The following RPH3A variants were observed in gnomAD, a reference collection of about 807,000 sequenced individuals.
RPH3A encodes rabphilin 3A, also known as rabphilin-3A.
RPH3A carries 48 observed loss-of-function variants against 102.2 expected under a neutral mutation model. The ratio of observed to expected loss-of-function variants is 0.47; its 90% CI spans 0.37 to 0.60. The LOEUF (loss-of-function observed/expected upper bound fraction) is 0.60, where lower values mean the gene tolerates loss of function less well. Among genes scored for constraint, RPH3A ranks in the 20% least tolerant of loss-of-function variants. RPH3A has a pLI of 0.00. For synonymous variants in RPH3A, 310 were observed against 324.3 expected (o/e 0.96, Z 0.47); for missense variants, 781 against 910.1 (o/e 0.86, Z 1.83).
rs1160153571 is a variant in RPH3A, at chr12:112,780,182, C to A, written c.-139-11961C>A. On this transcript the variant is annotated intron_variant, in intron 1 of 21. Transcript: ENST00000543106. The stretch of plus-strand genomic sequence containing the variant: ...TCTCATAATGCCTCTCTTTTGGGGG[C>A]TCATGTTGGCCTCATCTTTAAAAAA... 4.6e-5 allele frequency among the ~76,000 whole-genome samples: 7 copies of A among 152,064 alleles called. 1 individual carries two copies. The South Asian group carries it at 1.2e-3, about 27-fold the overall frequency.
At chr12:112,690,139 C>T (rs2136021534) in intron 1 of RPH3A, among the ~76,000 whole-genome samples, 1 of 152,202 alleles carries the variant, frequency 6.6e-6, no homozygotes, top group Non-Finnish European at 1.5e-5. Flanking sequence ...GTAACAAATA[C>T]CATTTGTAGA....
chr12:112,659,219 A>G (rs1159661998), intron 1 of RPH3A, among the ~76,000 whole-genome samples: 1 of 152,226 alleles, frequency 6.6e-6, no homozygotes, highest in Non-Finnish European at 1.5e-5. Context: ...ATGAACGTGA[A>G]TGCATCACGA....
At chr12:112,774,940 C>T (rs2040955558) in intron 1 of RPH3A, among the ~76,000 whole-genome samples, 1 of 151,654 alleles carries the variant, frequency 6.6e-6, no homozygotes, top group African/African-American at 2.4e-5. Context: ...CCTGCCCAGC[C>T]TACACATGTA....
At chr12:112,784,582 A>G (rs1367549494) in intron 1 of RPH3A, among the ~76,000 whole-genome samples, 1 of 152,234 alleles carries the variant, frequency 6.6e-6, no homozygotes, top group African/African-American at 2.4e-5. Flanking sequence ...AGTTCTAAGA[A>G]TAATTTATTT....
At chr12:112,740,349 G>C (rs544783223) in intron 1 of RPH3A, among the ~76,000 whole-genome samples, 2 of 152,318 alleles carry the variant, frequency 1.3e-5, no homozygotes, top group African/African-American at 4.8e-5. Flanking sequence ...GTTAGCCAGA[G>C]AGCTTTATTT....
Position 112,875,758 on chromosome 12 carries a change from T to G in RPH3A, c.946+17T>G. On this transcript the variant is annotated intron_variant, in intron 12 of 21. Transcript: ENST00000389385. ...AGAAGCCAGGCAAGTATCTGCTTCC[T>G]CCCATGCCTGCCCAAGTGGCCACCT... is the stretch of plus-strand genomic sequence containing the variant. 1 of 1,612,848 alleles carries G rather than the reference T, an allele frequency of 6.2e-7. No homozygotes were observed. The highest frequency in any genetic ancestry group is 8.5e-7 in the Non-Finnish European group (1 of 1,179,392).
intron 1 of RPH3A, among the ~76,000 whole-genome samples, chr12:112,684,249 G>GT (rs766502394): frequency 1.3e-5 from 2 of 151,858 alleles, no homozygotes; most frequent in Non-Finnish European, 2.9e-5. Flanking sequence ...TATTTTTATT[G>GT]TTTTTTTGTT....
At chr12:112,809,529 C>T (rs556897459) in intron 2 of RPH3A, among the ~76,000 whole-genome samples, 25 of 152,242 alleles carry the variant, frequency 1.6e-4, no homozygotes, top group African/African-American at 5.5e-4. Flanking sequence ...GAGGACTTCA[C>T]GCTAGCATAT....
chr12:112,708,039 C>T (rs1039813461), intron 1 of RPH3A, among the ~76,000 whole-genome samples: 1 of 152,222 alleles, frequency 6.6e-6, no homozygotes, highest in African/African-American at 2.4e-5. Context: ...GAAGAAACCG[C>T]ATTCTCATGC....
At chr12:112,800,683 T>C (rs1700215136) in intron 2 of RPH3A, among the ~76,000 whole-genome samples, 1 of 152,082 alleles carries the variant, frequency 6.6e-6, no homozygotes, top group African/African-American at 2.4e-5. Context: ...GGGTGAATTC[T>C]GCGGGAGTGC....
chr12:112,612,909 G>A (rs1274929001), intron 1 of RPH3A, among the ~76,000 whole-genome samples: 2 of 151,952 alleles, frequency 1.3e-5, no homozygotes, highest in African/African-American at 2.4e-5. Flanking sequence ...GGATATCCAA[G>A]GTGAAGTCCA....
intron 12 of RPH3A, among the ~76,000 whole-genome samples, chr12:112,876,063 A>C (rs1418161615): frequency 1.3e-5 from 2 of 152,192 alleles, no homozygotes; most frequent in Non-Finnish European, 2.9e-5. Context: ...GAATAATACT[A>C]GGACCTACCT....
At chr12:112,578,462 A>T (rs1220780258) in intron 1 of RPH3A, among the ~76,000 whole-genome samples, 1 of 152,158 alleles carries the variant, frequency 6.6e-6, no homozygotes, top group Non-Finnish European at 1.5e-5. Context: ...CCAACCCAAA[A>T]CAAAACAACA....
At chr12:112,860,960 C>T (rs1019875681) in intron 5 of RPH3A, among the ~76,000 whole-genome samples, 2 of 152,204 alleles carry the variant, frequency 1.3e-5, no homozygotes, top group African/African-American at 4.8e-5. Flanking sequence ...GAAAGGCATC[C>T]TGATGTTTAA....
In RPH3A at chr12:112,865,877, A is replaced by G. The variant is rs140459167; in HGVS notation, c.360+334A>G. On this transcript the variant is annotated intron_variant, in intron 6 of 21. Transcript: ENST00000389385. ...CTTAGCAAGTTATGTGTCAGTTTAA[A>G]GAGCATGCTAAGCACATGTTTATAC... Among the ~76,000 whole-genome samples, 717 of 152,346 alleles carry G rather than the reference A, an allele frequency of 4.7e-3. 6 individuals are homozygous for G. Among genetic ancestry groups the G allele is most frequent in the Non-Finnish European group, 6.1e-3 (414 of 68,030 alleles).
chr12:112,766,062 CT>C (rs2040886609), intron 1 of RPH3A, among the ~76,000 whole-genome samples: 1 of 152,062 alleles, frequency 6.6e-6, no homozygotes, highest in Admixed American at 6.6e-5. Context: ...GTATTTGATC[CT>C]TCATGGCACC....
At position 112,736,208 on chromosome 12, in the gene RPH3A, C is replaced by T. The variant is rs192917177; in HGVS notation, c.-139-55935C>T. Among the ~76,000 whole-genome samples the T allele has an allele frequency of 3.2e-3, 491 of 152,256 alleles. 4 individuals carry two copies. The highest frequency in any genetic ancestry group is 0.011 in the African/African-American group (459 of 41,542). Reference sequence around the variant, plus strand: ...GTGTACTACCCCTGACCTCTATGCACGAGATTCTAGTGGCACTACCCCCAC... The same window carrying T: ...GTGTACTACCCCTGACCTCTATGCATGAGATTCTAGTGGCACTACCCCCAC... On this transcript the variant is annotated intron_variant, in intron 1 of 21. Coordinates refer to the RPH3A transcript ENST00000543106.
At chr12:112,776,507 C>T (rs537587832) in intron 1 of RPH3A, among the ~76,000 whole-genome samples, 1 of 152,076 alleles carries the variant, frequency 6.6e-6, no homozygotes, top group Non-Finnish European at 1.5e-5. Context: ...TTCTCATCTT[C>T]CAGCAGGCTA....
intron 2 of RPH3A, among the ~76,000 whole-genome samples, chr12:112,819,777 AGCT>A (rs986213157): frequency 6.6e-6 from 1 of 152,244 alleles, no homozygotes; most frequent in African/African-American, 2.4e-5. Context: ...CAGCTTGGAC[AGCT>A]GTGGCCTCTT....
Sources: allele counts gnomAD v4.1 joint callset (sites outside exome capture counted in the v4.1 genomes callset), GRCh38; gene constraint gnomAD v4.1.1; transcripts MANE v1.5; gene names NCBI Gene and HGNC (gene_info 2026-07-23, HGNC 2026-07-21).